CEP128: variants seen among roughly 807,000 people sequenced by gnomAD.
CEP128 encodes centrosomal protein 128kDa.
In CEP128, 132 loss-of-function variants were observed where a neutral mutation model predicts 156.7. The observed-to-expected ratio is 0.84, with a 90% CI of 0.73 to 0.97. The LOEUF (loss-of-function observed/expected upper bound fraction) is 0.97, where lower values mean the gene tolerates loss of function less well. CEP128 is among the 50% of genes least tolerant of loss of function. The pLI is 0.00. For synonymous variants in CEP128, 469 were observed against 448.9 expected (o/e 1.04, Z -0.57); for missense variants, 1,252 against 1,281.9 (o/e 0.98, Z 0.36).
At chr14:80,586,570 A>G (rs1595048674) in intron 19 of CEP128, among the ~76,000 whole-genome samples, 2 of 152,292 alleles carry the variant, frequency 1.3e-5, no homozygotes, top group East Asian at 1.9e-4. Context: ...ATATTTTCTA[A>G]TGCCTCTCCA....
chr14:80,737,402 T>TGAAGAAA (rs1898591547), intron 19 of CEP128, among the ~76,000 whole-genome samples: 1 of 139,510 alleles, frequency 7.2e-6, no homozygotes, highest in African/African-American at 3.3e-5. Context: ...AGACTCTGTC[T>TGAAGAAA]GAAAAAAGAA....
intron 8 of CEP128, among the ~76,000 whole-genome samples, chr14:80,889,328 T>A (rs2139362202): frequency 6.6e-6 from 1 of 152,308 alleles, no homozygotes; most frequent in South Asian, 2.1e-4. Flanking sequence ...CAAACAATCC[T>A]AAGCAGAAAG....
intron 19 of CEP128, among the ~76,000 whole-genome samples, chr14:80,653,544 A>G (rs929322004): frequency 6.6e-6 from 1 of 152,174 alleles, no homozygotes; most frequent in Admixed American, 6.6e-5. Flanking sequence ...TTGAAAGAAG[A>G]TGCCATCTAG....
chr14:80,546,804 G>A (rs1890004943), intron 21 of CEP128, among the ~76,000 whole-genome samples: 1 of 152,068 alleles, frequency 6.6e-6, no homozygotes, highest in Non-Finnish European at 1.5e-5. Context: ...TAAGAAGTGA[G>A]CCTAAAGAGA....
In CEP128 at chr14:80,743,142, C is replaced by T. The variant is rs1898919049; in HGVS notation, c.2739G>A (p.Leu913=). 1.2e-6 allele frequency: 2 copies of T among 1,613,702 alleles called. No individual in the cohort carries two copies. Among genetic ancestry groups the T allele is most frequent in the African/African-American group, 1.3e-5 (1 of 74,912 alleles). ...TTTCTATCTGTTGAAAGAGACACTG[C>T]AACTCAGATTCCTTGTTTTCAGTCA... ...RNLTENKESE[L]QCLFQQIERQ... Residue 913 remains leucine (L), a synonymous_variant, in exon 19 of 25, where the codon TTG becomes TTA. Transcript: ENST00000555265.
intron 19 of CEP128, among the ~76,000 whole-genome samples, chr14:80,598,729 G>C (rs148896894): frequency 1.3e-5 from 2 of 152,154 alleles, no homozygotes; most frequent in African/African-American, 4.8e-5. Context: ...AGTTATTATG[G>C]AGTTAGAGTA....
At chr14:80,477,027 A>G (rs1355122501) in exon 15 of CEP128, 2 of 152,172 alleles carry the variant, frequency 1.3e-5, no homozygotes, top group African/African-American at 2.4e-5. Context: ...TTTTAAGCAT[A>G]AGAAAACCAA....
At chr14:80,868,071 TG>T (rs201198120) in intron 8 of CEP128, among the ~76,000 whole-genome samples, 1 of 151,108 alleles carries the variant, frequency 6.6e-6, no homozygotes, top group African/African-American at 2.4e-5. Flanking sequence ...TGGCAGGGGG[TG>T]GGGGGAGACA....
At position 80,907,863 on chromosome 14, in the gene CEP128, A is replaced by T. The variant is rs538993470; in HGVS notation, c.235-1782T>A. ...AATAAAACTAAACAATATTAAAGCT[A>T]AAAAGCTCAAATTCAAACTGTAACA... is the stretch of plus-strand genomic sequence containing the variant. On this transcript the variant is annotated intron_variant, in intron 4 of 24. Transcript: ENST00000555265. 2.0e-5 allele frequency among the ~76,000 whole-genome samples: 3 copies of T among 152,296 alleles called. No homozygotes were observed. The East Asian group carries it at 5.8e-4, about 29-fold the overall frequency.
intron 13 of CEP128, among the ~76,000 whole-genome samples, chr14:80,805,383 T>C (rs1884118392): frequency 6.6e-6 from 1 of 151,798 alleles, no homozygotes; most frequent in South Asian, 2.1e-4. Context: ...CCCTTTGTCC[T>C]AGCTAAGAGG....
At chr14:80,673,767 C>T (rs577484655) in intron 19 of CEP128, among the ~76,000 whole-genome samples, 5 of 150,382 alleles carry the variant, frequency 3.3e-5, no homozygotes, top group African/African-American at 1.2e-4. Context: ...GAGATATGAA[C>T]GCCTTTTCTT....
rs1895145109 is a variant in CEP128, at chr14:80,656,282, TATATATATTTATATATATATATATATATA to T, written c.2807-75888_2807-75860del. ...CTCAATAAACCTAAGTTTTTATTTA[TATATATATTTATATATATATATATATATA>T]TATATATATATATATATATATATAT... On this transcript the variant is annotated intron_variant, in intron 19 of 24. Coordinates refer to ENST00000555265, the MANE Select transcript of CEP128 (RefSeq NM_152446.5). Among the ~76,000 whole-genome samples the T allele has an allele frequency of 5.4e-4, 4 of 7,342 alleles. No homozygotes were observed. In the East Asian group the frequency reaches 6.0e-3, roughly 11 times the overall value. The allele number at this position is 7,342 out of a possible 152,430, so 4.8% of individuals were successfully genotyped here.
At chr14:80,943,656 C>G (rs1381119602), upstream of CEP128, among the ~76,000 whole-genome samples, 4 of 152,182 alleles carry the variant, frequency 2.6e-5, no homozygotes, top group African/African-American at 9.7e-5. Flanking sequence ...TGTTTGTCAG[C>G]TTTGGTGTGC....
intron 9 of CEP128, among the ~76,000 whole-genome samples, chr14:80,854,955 G>A (rs1887072131): frequency 6.6e-6 from 1 of 151,782 alleles, no homozygotes; most frequent in African/African-American, 2.4e-5. Context: ...ACCAGAAACT[G>A]GACAGTGAAA....
intron 19 of CEP128, among the ~76,000 whole-genome samples, chr14:80,724,076 G>T (rs1020964196): frequency 1.3e-5 from 2 of 152,176 alleles, no homozygotes; most frequent in African/African-American, 4.8e-5. Flanking sequence ...GCCTTATGGA[G>T]ATTGGGTACT....
intron 19 of CEP128, among the ~76,000 whole-genome samples, chr14:80,673,764 G>A (rs765418637): frequency 2.7e-5 from 4 of 149,084 alleles, no homozygotes; most frequent in Non-Finnish European, 4.4e-5. Context: ...AAGGAGATAT[G>A]AACGCCTTTT....
chr14:80,504,915 T>C lies in CEP128; in HGVS notation c.3178A>G (p.Asn1060Asp), dbSNP rs1271662852. Reference sequence around the variant, plus strand: ...GGTACAAGACTTCATTACTTACAGTTCACGTATGAAAATCTTGGACTAGAC... The same window carrying C: ...GGTACAAGACTTCATTACTTACAGTCCACGTATGAAAATCTTGGACTAGAC... ...FLSSPRFSYV[N>D]SFTKRTVAPD... The change falls in exon 24 of 25, where the codon AAC (asparagine) becomes GAC (aspartate). Residue 1060 changes from asparagine to aspartate, a missense_variant. Transcript: ENST00000555265. 1 of 1,539,214 alleles carries C rather than the reference T, an allele frequency of 6.5e-7. No individual in the cohort carries two copies. Among genetic ancestry groups the C allele is most frequent in the Admixed American group, 1.8e-5 (1 of 57,072 alleles).
chr14:80,565,069 G>T (rs1421552427), intron 20 of CEP128, among the ~76,000 whole-genome samples: 6 of 151,968 alleles, frequency 3.9e-5, no homozygotes, highest in African/African-American at 1.4e-4. Flanking sequence ...CAAAAAAAAA[G>T]AAAAGAGAAA....
intron 19 of CEP128, among the ~76,000 whole-genome samples, chr14:80,697,786 A>G (rs1044687204): frequency 1.1e-4 from 17 of 152,188 alleles, no homozygotes; most frequent in Admixed American, 1.1e-3. Context: ...GATTACAAGA[A>G]AATTCACTGA....
Sources: gnomAD v4.1 joint callset for allele counts (sites outside exome capture counted in the v4.1 genomes callset) on GRCh38, gnomAD v4.1.1 for gene constraint, MANE v1.5 for transcripts, NCBI Gene and HGNC (gene_info 2026-07-23, HGNC 2026-07-21) for gene names.